The following SUGP1 variants were observed in gnomAD, a reference collection of about 807,000 sequenced individuals.
The protein encoded by SUGP1 is SURP and G-patch domain containing 1.
Under a neutral mutation model 76.5 loss-of-function variants are expected in SUGP1, and 34 were observed. That is an observed-to-expected ratio of 0.44 (90% CI 0.34 to 0.59). The LOEUF is 0.59. Among genes scored for constraint, SUGP1 ranks in the 20% least tolerant of loss-of-function variants. The probability of loss-of-function intolerance (pLI) is 0.01; values close to 1 mark genes in which losing one functional copy is unlikely to be tolerated. For missense variants in SUGP1, 752 were observed against 851.7 expected (o/e 0.88, Z 1.46); for synonymous variants, 326 against 326.2 (o/e 1.00, Z 0.01).
chr19:19,313,998 C>A (rs1279118748), intron 2 of SUGP1, among the ~76,000 whole-genome samples: 1 of 152,002 alleles, frequency 6.6e-6, no homozygotes, highest in Non-Finnish European at 1.5e-5. Flanking sequence ...ATTAGCCGGG[C>A]ACGATGGTGG....
At chr19:19,305,236 T>C (rs1010207) in intron 4 of SUGP1, among the ~76,000 whole-genome samples, 63,768 of 152,080 alleles carry the variant, frequency 0.42, 14,822 homozygotes, top group African/African-American at 0.62. Context: ...GGCTAGCCCT[T>C]CACACAGTTC....
At chr19:19,277,922 T>C (rs1409902971) in intron 11 of SUGP1, 43 bp from the exon 12 acceptor site, 3 of 1,605,876 alleles carry the variant, frequency 1.9e-6, no homozygotes, top group South Asian at 2.2e-5. Flanking sequence ...GGGCTGGGGC[T>C]GTGGTGGCCC....
rs767527075 is a variant in SUGP1 at position 19,297,024 on chromosome 19, T to C, written c.1208A>G (p.Gln403Arg). The C allele has an allele frequency of 4.4e-5, 70 of 1,598,510 alleles. 1 individual carries two copies. The Admixed American group carries it at 8.2e-4, about 19-fold the overall frequency. Residue 403 changes from glutamine to arginine, a missense_variant, in exon 8 of 14, where the codon CAG becomes CGG. By Grantham distance (43) the Gln-to-Arg change is conservative. Transcript: ENST00000247001. The part of the protein sequence containing the change: ...KVELPPAELV[Q>R]RDVDASPSPL... ...CGAGGGAGAGGCATCCACGTCCCTC[T>C]GCACCAGTTCAGCAGGTGGGAGCTC... is the stretch of plus-strand genomic sequence containing the variant.
chr19:19,281,093 G>C (rs1044939104), intron 8 of SUGP1: 1 of 152,332 alleles, frequency 6.6e-6, no homozygotes, highest in African/African-American at 2.4e-5. Flanking sequence ...TGAGGGATGT[G>C]GGGGAGCCCT....
Position 19,305,849 on chromosome 19 carries a change from C to A in SUGP1, c.538G>T (p.Val180Phe), listed in dbSNP as rs747612934. Residue 180 changes from valine (V) to phenylalanine (F), a missense_variant and splice_region_variant, in exon 4 of 14, where the codon GTT (valine) becomes TTT (phenylalanine). Transcript: ENST00000247001. ...EDYEQWLEIK[V>F]SPPEGAETRK... ...GGGAGCAGCAGCTCCCACAACTTAC[C>A]TTTGATCTCCAGCCACTGCTCATAG... The A allele has an allele frequency of 6.2e-6, 10 of 1,600,590 alleles. No homozygotes were observed. Among genetic ancestry groups the A allele is most frequent in the South Asian group, 2.2e-5 (2 of 89,880 alleles).
At chr19:19,291,769 T>G (rs933192048) in intron 8 of SUGP1, among the ~76,000 whole-genome samples, 44 of 151,252 alleles carry the variant, frequency 2.9e-4, no homozygotes, top group African/African-American at 1.0e-3. Flanking sequence ...TGGCGGCGCC[T>G]GTAGTCCTAG....
chr19:19,283,662 C>A (rs2061117635), intron 8 of SUGP1, among the ~76,000 whole-genome samples: 2 of 152,246 alleles, frequency 1.3e-5, no homozygotes, highest in African/African-American at 4.8e-5. Context: ...AGCATACTGG[C>A]CAGGCTGGTC....
intron 8 of SUGP1, among the ~76,000 whole-genome samples, chr19:19,294,974 C>T (rs966790673): frequency 9.2e-5 from 14 of 152,108 alleles, no homozygotes; most frequent in Non-Finnish European, 1.5e-4. Context: ...AAAGAGAACT[C>T]GTACAACTCA....
chr19:19,280,502 C>T, intron 8 of SUGP1: 1 of 562,890 alleles, frequency 1.8e-6, no homozygotes, highest in South Asian at 2.2e-5. Context: ...GTCCTTGTGA[C>T]CTCTCCAGCC....
intron 4 of SUGP1, among the ~76,000 whole-genome samples, chr19:19,304,853 A>G (rs1387125311): frequency 6.6e-6 from 1 of 152,092 alleles, no homozygotes; most frequent in Admixed American, 6.5e-5. Flanking sequence ...TGAGGTCCCG[A>G]GAGCATTCCG....
At chr19:19,281,204 CG>C (rs1488845502) in intron 8 of SUGP1, 1 of 152,208 alleles carries the variant, frequency 6.6e-6, no homozygotes, top group Non-Finnish European at 1.5e-5. Flanking sequence ...CATGAGCGGG[CG>C]GGTGAGGGCT....
intron 4 of SUGP1, among the ~76,000 whole-genome samples, chr19:19,305,189 G>A (rs966254963): frequency 3.5e-4 from 53 of 152,192 alleles, no homozygotes; most frequent in African/African-American, 1.3e-3. Context: ...CTCCACAGTC[G>A]CTTCAGTCTG....
At position 19,297,071 on chromosome 19, in the gene SUGP1, C is replaced by G; in HGVS notation, c.1161G>C (p.Trp387Cys). 1 of 1,613,532 alleles carries G rather than the reference C, an allele frequency of 6.2e-7. No individual in the cohort carries two copies. Among genetic ancestry groups the G allele is most frequent in the Non-Finnish European group, 8.5e-7 (1 of 1,179,988 alleles). ...GCTCTACCTTATCCTCTTCAGGCCC[C>G]CACCGGCTCTTCCGCTTCCTCTTCA... ...ATVKRKRKSR[W>C]GPEEDKVELP... The change falls in exon 8 of 14, where the codon TGG (tryptophan) becomes TGC (cysteine). Residue 387 changes from tryptophan to cysteine, a missense_variant. Physicochemically the swap from Trp to Cys is radical, Grantham distance 215. Coordinates refer to ENST00000247001, the MANE Select transcript of SUGP1 (RefSeq NM_172231.4).
In SUGP1 at chr19:19,276,554, C is replaced by A; in HGVS notation, c.*94G>T. ...GGACTTTATTACACGGCACGGCACT[C>A]GTGACAACGGAAGGGGTGGGCAGAA... On this transcript the variant is annotated 3_prime_UTR_variant, in exon 14 of 14. Coordinates refer to ENST00000247001, the MANE Select transcript of SUGP1 (RefSeq NM_172231.4). The A allele has an allele frequency of 6.7e-7, 1 of 1,501,544 alleles. No individual in the cohort carries two copies. The highest frequency in any genetic ancestry group is 9.2e-7 in the Non-Finnish European group (1 of 1,082,924). The allele number at this position is 1,501,544 out of a possible 1,614,324, so 93.0% of individuals were successfully genotyped here. A position where few individuals can be genotyped will look rare whatever the true frequency, so the allele number is the denominator to read the frequency against.
intron 10 of SUGP1, 60 bp from the exon 11 acceptor site, chr19:19,278,856 G>C: frequency 1.9e-6 from 3 of 1,541,382 alleles, no homozygotes; most frequent in Non-Finnish European, 2.7e-6. Flanking sequence ...GAGCAGGCCT[G>C]GTGGCTCCCA....
chr19:19,298,067 A>G (rs1051544760), intron 7 of SUGP1, among the ~76,000 whole-genome samples: 33 of 152,230 alleles, frequency 2.2e-4, no homozygotes, highest in African/African-American at 7.2e-4. Context: ...AACTGAATGC[A>G]TGTACAGCCC....
chr19:19,297,023 C>T lies in SUGP1; in HGVS notation c.1209G>A (p.Gln403=). The change falls in exon 8 of 14, where the codon CAG becomes CAA. Residue 403 remains glutamine (Q), a synonymous_variant. Coordinates refer to ENST00000247001, the MANE Select transcript of SUGP1 (RefSeq NM_172231.4). The part of the protein sequence containing the change: ...KVELPPAELV[Q]RDVDASPSPL... ...GCGAGGGAGAGGCATCCACGTCCCT[C>T]TGCACCAGTTCAGCAGGTGGGAGCT... is the stretch of plus-strand genomic sequence containing the variant. 1.3e-6 allele frequency: 2 copies of T among 1,598,372 alleles called. No homozygotes were observed. Among genetic ancestry groups the T allele is most frequent in the Non-Finnish European group, 1.7e-6 (2 of 1,168,930 alleles).
At chr19:19,284,501 T>G (rs545437808) in intron 8 of SUGP1, among the ~76,000 whole-genome samples, 34 of 152,334 alleles carry the variant, frequency 2.2e-4, no homozygotes, top group African/African-American at 6.5e-4. Context: ...GAAGCTGTTA[T>G]TGCAGCTATG....
rs556988030 is a variant in SUGP1 at position 19,299,366 on chromosome 19, C to G, written c.888-2022G>C. Among the ~76,000 whole-genome samples, 3 of 119,886 alleles carry G rather than the reference C, an allele frequency of 2.5e-5. No individual in the cohort carries two copies. The East Asian group carries it at 6.6e-4, about 26-fold the overall frequency. The allele number at this position is 119,886 out of a possible 152,430, so 78.6% of individuals were successfully genotyped here. A position where few individuals can be genotyped will look rare whatever the true frequency, so the allele number is the denominator to read the frequency against. On this transcript the variant is annotated intron_variant, in intron 7 of 13. Coordinates refer to ENST00000247001, the MANE Select transcript of SUGP1 (RefSeq NM_172231.4). The stretch of plus-strand genomic sequence containing the variant: ...GACGCTGACTGTGTCACTGACTTTT[C>G]TTTTTTTTCTTCCTTTTTTTTTCTG...
Sources: allele counts gnomAD v4.1 joint callset (sites outside exome capture counted in the v4.1 genomes callset), GRCh38; gene constraint gnomAD v4.1.1; transcripts MANE v1.5; gene names NCBI Gene and HGNC (gene_info 2026-07-23, HGNC 2026-07-21).